CACNA1A: variants seen among roughly 807,000 people sequenced by gnomAD.
The protein encoded by CACNA1A is calcium voltage-gated channel subunit alpha1 A.
In CACNA1A, 57 loss-of-function variants were observed where a neutral mutation model predicts 262.4. That is an observed-to-expected ratio of 0.22 (90% CI 0.18 to 0.27). CACNA1A has a LOEUF of 0.27. Ranked by LOEUF, CACNA1A falls within the 10% of genes least tolerant of loss-of-function variation. The probability of loss-of-function intolerance (pLI) is 1.00; values close to 1 mark genes in which losing one functional copy is unlikely to be tolerated. For synonymous variants in CACNA1A, 1,431 were observed against 1,419.3 expected, an observed-to-expected ratio of 1.01 and a Z score of -0.18; for missense variants, 2,526 against 3,562.8, an observed-to-expected ratio of 0.71 and a Z score of 7.41.
intron 35 of CACNA1A, 128 bp downstream of exon 35, chr19:13,231,582 A>C (rs1035982798): frequency 1.2e-5 from 11 of 933,842 alleles, no homozygotes; most frequent in Non-Finnish European, 1.6e-5. Flanking sequence ...ACCTGATCCC[A>C]GGCTGGTTCA....
intron 19 of CACNA1A, among the ~76,000 whole-genome samples, chr19:13,289,881 C>G (rs1050062845): frequency 6.7e-6 from 1 of 150,370 alleles, no homozygotes; most frequent in Non-Finnish European, 1.5e-5. Context: ...ATCACTTGTT[C>G]TGTAGTTTCT....
At chr19:13,327,639 TC>T (rs540660782) in intron 10 of CACNA1A, among the ~76,000 whole-genome samples, 25 of 150,302 alleles carry the variant, frequency 1.7e-4, no homozygotes, top group African/African-American at 6.1e-4. Flanking sequence ...AATGGCGCCA[TC>T]TCAGCTCACT....
At position 13,269,621 on chromosome 19, in the gene CACNA1A, C is replaced by T. The variant is rs1261882899; in HGVS notation, c.3989+6229G>A. On this transcript the variant is annotated intron_variant, in intron 24 of 46. Coordinates refer to ENST00000360228, the MANE Select transcript of CACNA1A (RefSeq NM_001127222.2). Reference sequence around the variant, plus strand: ...ACAGCCGCGCCAGATGGACTCTTGGCGGTGAGGGCAGGATCATGATCTGCC... The same window carrying T: ...ACAGCCGCGCCAGATGGACTCTTGGTGGTGAGGGCAGGATCATGATCTGCC... Among the ~76,000 whole-genome samples the T allele has an allele frequency of 2.6e-5, 4 of 152,168 alleles. No individual in the cohort carries two copies. In the South Asian group the frequency reaches 6.2e-4, roughly 24 times the overall value.
intron 30 of CACNA1A, among the ~76,000 whole-genome samples, chr19:13,251,956 G>A (rs1299449876): frequency 2.0e-5 from 3 of 151,852 alleles, no homozygotes; most frequent in Non-Finnish European, 4.4e-5. Context: ...AGTAGAGATG[G>A]GGTTTTGCCA....
At position 13,207,507 on chromosome 19, in the gene CACNA1A, C is replaced by G. The variant is rs533884784; in HGVS notation, c.7327G>C (p.Ala2443Pro). 7.0e-7 allele frequency: 1 copy of G among 1,426,054 alleles called. No individual in the cohort carries two copies. The highest frequency in any genetic ancestry group is 9.1e-7 in the Non-Finnish European group (1 of 1,095,248). The allele number at this position is 1,426,054 out of a possible 1,614,324, so 88.3% of individuals were successfully genotyped here. A position where few individuals can be genotyped will look rare whatever the true frequency, so the allele number is the denominator to read the frequency against. ...GAGCGCCCGGTGGCGCCCGAGGACG[C>G]GTGTCGTACGGGGGGTGGCGCGTCG... ...AYDAPPPVRH[A>P]SSGATGRSPR... is the part of the protein sequence containing the mutation. The change falls in exon 47 of 47, where the codon GCG becomes CCG. Residue 2443 changes from alanine (A) to proline (P), a missense_variant. By Grantham distance (27) the Ala-to-Pro change is conservative. Coordinates refer to ENST00000360228, the MANE Select transcript of CACNA1A (RefSeq NM_001127222.2). The surrounding 1 kb of genome is among the most constrained non-coding windows in gnomAD (Gnocchi z 5.7).
At chr19:13,353,392 A>C (rs1239321576) in intron 6 of CACNA1A, among the ~76,000 whole-genome samples, 1 of 148,508 alleles carries the variant, frequency 6.7e-6, no homozygotes, top group African/African-American at 2.5e-5. Flanking sequence ...TCAGACTCCC[A>C]AATTGCTGGA....
intron 1 of CACNA1A, among the ~76,000 whole-genome samples, chr19:13,469,483 TTTTTTG>T (rs2061312932): frequency 6.8e-6 from 1 of 146,760 alleles, no homozygotes; most frequent in African/African-American, 2.5e-5. Flanking sequence ...TTTTTTTTTT[TTTTTTG>T]AGACGGAGTC....
At chr19:13,228,805 G>C in intron 36 of CACNA1A, 1 of 1,524,232 alleles carries the variant, frequency 6.6e-7, no homozygotes, top group Non-Finnish European at 9.0e-7. Context: ...GCTGAAAGGA[G>C]AAGAAAGGGG....
rs190809550 is a variant in CACNA1A, at chr19:13,255,049, C to T, written c.4755+46G>A. ...CATTTTATCAGGGTAGAGGCAGGAACGAGGTGGGGGTTAAGTAGTGCTGGG... is the reference window on the plus strand; with the variant it reads ...CATTTTATCAGGGTAGAGGCAGGAATGAGGTGGGGGTTAAGTAGTGCTGGG... On this transcript the variant is annotated intron_variant, in intron 29 of 46. Transcript: ENST00000360228. 6.7e-5 allele frequency: 107 copies of T among 1,595,988 alleles called. No individual in the cohort carries two copies. The East Asian group carries it at 8.1e-4, about 12-fold the overall frequency.
intron 6 of CACNA1A, among the ~76,000 whole-genome samples, chr19:13,344,675 C>T (rs986339880): frequency 3.3e-5 from 5 of 152,200 alleles, no homozygotes; most frequent in Non-Finnish European, 4.4e-5. Flanking sequence ...TAGGTGCTCA[C>T]TAAGCATTAG....
chr19:13,338,502 A>G (rs942321934), intron 6 of CACNA1A, among the ~76,000 whole-genome samples: 8 of 152,350 alleles, frequency 5.3e-5, no homozygotes, highest in Admixed American at 1.3e-4. Context: ...GGTATTCATC[A>G]TAGCTCCAAA....
At chr19:13,294,398 C>G (rs1230380193) in intron 19 of CACNA1A, among the ~76,000 whole-genome samples, 1 of 151,344 alleles carries the variant, frequency 6.6e-6, no homozygotes, top group East Asian at 1.9e-4. Flanking sequence ...TCTAAATGCT[C>G]AGGCTGGTCT....
chr19:13,234,709 A>C, intron 34 of CACNA1A: 1 of 545,584 alleles, frequency 1.8e-6, no homozygotes, highest in Non-Finnish European at 3.3e-6. Flanking sequence ...CACGCCCCCT[A>C]TCGGAAGAGA....
intron 37 of CACNA1A, chr19:13,227,076 T>C (rs2055480868): frequency 6.3e-6 from 1 of 158,192 alleles, no homozygotes; most frequent in South Asian, 2.0e-4. Context: ...GTGGGAAGCA[T>C]GGGTTTTGAC....
intron 38 of CACNA1A, among the ~76,000 whole-genome samples, chr19:13,217,013 A>G (rs1317746649): frequency 6.6e-6 from 1 of 152,106 alleles, no homozygotes; most frequent in Admixed American, 6.6e-5. Context: ...TGCGCCTGTA[A>G]TCCCAACTAC....
chr19:13,400,071 T>C (rs893243600), intron 3 of CACNA1A, among the ~76,000 whole-genome samples: 6 of 152,174 alleles, frequency 3.9e-5, no homozygotes, highest in African/African-American at 1.4e-4. Flanking sequence ...TTAACAATTA[T>C]AATATTCATT....
intron 1 of CACNA1A, among the ~76,000 whole-genome samples, chr19:13,491,200 T>C (rs1254883607): frequency 6.6e-6 from 1 of 152,200 alleles, no homozygotes; most frequent in Non-Finnish European, 1.5e-5. Flanking sequence ...TCTCATAAAG[T>C]TTCTCCATTT....
intron 28 of CACNA1A, among the ~76,000 whole-genome samples, chr19:13,255,947 C>G (rs2056554331): frequency 7.2e-6 from 1 of 138,070 alleles, no homozygotes. Flanking sequence ...TCCCTCCTTT[C>G]TTTCTCTCTC....
intron 37 of CACNA1A, chr19:13,225,409 TG>T (rs1360415461): frequency 6.6e-6 from 1 of 152,278 alleles, no homozygotes; most frequent in African/African-American, 2.4e-5. Context: ...CATAGCTCCG[TG>T]GGAAGTGTAT....
Sources: allele counts gnomAD v4.1 joint callset (sites outside exome capture counted in the v4.1 genomes callset), GRCh38; gene constraint gnomAD v4.1.1; non-coding constraint Gnocchi (gnomAD v3.1); transcripts MANE v1.5; gene names NCBI Gene and HGNC (gene_info 2026-07-23, HGNC 2026-07-21).